Variants in PTPRD observed in about 807,000 individuals in gnomAD.
PTPRD encodes protein tyrosine phosphatase receptor type D, also known as receptor-type tyrosine-protein phosphatase delta.
In PTPRD, 34 loss-of-function variants were observed where a neutral mutation model predicts 214.5. The observed-to-expected ratio is 0.16, with a 90% CI of 0.12 to 0.21. The LOEUF (loss-of-function observed/expected upper bound fraction) is 0.21, where lower values mean the gene tolerates loss of function less well. Ranked by LOEUF, PTPRD falls within the 10% of genes least tolerant of loss-of-function variation. The pLI, the probability that PTPRD is intolerant of heterozygous loss-of-function variation, is 1.00. For synonymous variants in PTPRD, 1,128 were observed against 845.7 expected (o/e 1.33, Z -5.79); for missense variants, 2,545 against 2,398.7 (o/e 1.06, Z -1.27).
At chr9:9,519,316 A>G (rs1193528308) in intron 8 of PTPRD, among the ~76,000 whole-genome samples, 2 of 151,398 alleles carry the variant, frequency 1.3e-5, no homozygotes, top group African/African-American at 2.4e-5. Flanking sequence ...GTAATAAACT[A>G]TACAAAGTAG....
At chr9:9,279,849 T>C (rs879823100) in intron 9 of PTPRD, among the ~76,000 whole-genome samples, 16 of 151,244 alleles carry the variant, frequency 1.1e-4, no homozygotes. Flanking sequence ...TGGTCATACT[T>C]ATACATTCAG....
intron 2 of PTPRD, among the ~76,000 whole-genome samples, chr9:10,518,694 G>A (rs984774300): frequency 2.4e-4 from 36 of 151,898 alleles, no homozygotes; most frequent in African/African-American, 7.7e-4. Context: ...CACCACACCC[G>A]GCTAATTTTT....
intron 5 of PTPRD, among the ~76,000 whole-genome samples, chr9:9,776,623 T>C (rs1379279849): frequency 2.0e-5 from 3 of 152,166 alleles, no homozygotes; most frequent in Admixed American, 2.0e-4. Flanking sequence ...TCTACTCCCT[T>C]CTAGCTAACA....
intron 11 of PTPRD, among the ~76,000 whole-genome samples, chr9:8,779,428 G>A (rs866191911): frequency 1.3e-5 from 2 of 151,898 alleles, no homozygotes; most frequent in African/African-American, 4.8e-5. Context: ...GGTGGGGCGG[G>A]GCTTCAATAA....
chr9:8,893,603 CCTG>C (rs2154243173), intron 11 of PTPRD, among the ~76,000 whole-genome samples: 1 of 152,276 alleles, frequency 6.6e-6, no homozygotes. Flanking sequence ...TTTTGCTACA[CCTG>C]CTTTGAGAGC....
chr9:9,005,572 C>A (rs772555042), intron 11 of PTPRD, among the ~76,000 whole-genome samples: 39 of 151,982 alleles, frequency 2.6e-4, no homozygotes, highest in Admixed American at 8.5e-4. Flanking sequence ...CTCTTCTGAT[C>A]CTTTTGGTTA....
At chr9:9,517,818 A>G (rs1343067674) in intron 8 of PTPRD, among the ~76,000 whole-genome samples, 1 of 152,034 alleles carries the variant, frequency 6.6e-6, no homozygotes, top group Non-Finnish European at 1.5e-5. Context: ...AATTCAAACC[A>G]CCTGGGGTGA....
chr9:8,521,336 G>C lies in PTPRD; in HGVS notation c.902C>G (p.Thr301Ser), dbSNP rs2138863622. 2 of 1,613,946 alleles carry C rather than the reference G, an allele frequency of 1.2e-6. No homozygotes were observed. The highest frequency in any genetic ancestry group is 8.5e-7 in the Non-Finnish European group (1 of 1,179,906). ...LNDVRQSANYTCVAMSTLGVI... is the reference protein window; with the variant it reads ...LNDVRQSANYSCVAMSTLGVI... Reference sequence around the variant, plus strand: ...ACCCAGTGTTGACATAGCAACACAGGTGTAATTTGCTGACTGTCTTACATC... The same window carrying C: ...ACCCAGTGTTGACATAGCAACACAGCTGTAATTTGCTGACTGTCTTACATC... The change falls in exon 20 of 46, where the codon ACC (threonine) becomes AGC (serine). Residue 301 changes from threonine (T) to serine (S), a missense_variant. Physicochemically the swap from Thr to Ser is moderately conservative, Grantham distance 58. Coordinates refer to ENST00000381196, the MANE Select transcript of PTPRD (RefSeq NM_002839.4).
intron 21 of PTPRD, among the ~76,000 whole-genome samples, chr9:8,508,804 G>C (rs1264737469): frequency 6.6e-6 from 1 of 152,014 alleles, no homozygotes; most frequent in African/African-American, 2.4e-5. Context: ...TGTTAAAGCA[G>C]TCTGCAAGAA....
intron 11 of PTPRD, among the ~76,000 whole-genome samples, chr9:8,955,535 T>C (rs910174462): frequency 4.6e-5 from 7 of 151,854 alleles, no homozygotes; most frequent in African/African-American, 1.7e-4. Context: ...GAGTTCCCTC[T>C]ATGGTGTGCT....
chr9:8,662,261 C>T (rs933266407), intron 12 of PTPRD, among the ~76,000 whole-genome samples: 1 of 152,024 alleles, frequency 6.6e-6, no homozygotes, highest in African/African-American at 2.4e-5. Flanking sequence ...AAAATCGGTC[C>T]CTACATTTGT....
intron 3 of PTPRD, among the ~76,000 whole-genome samples, chr9:10,258,218 A>G (rs1018068912): frequency 1.3e-5 from 2 of 152,352 alleles, no homozygotes; most frequent in South Asian, 2.1e-4. Flanking sequence ...GAATTCAAAC[A>G]TTAATTGAGG....
intron 5 of PTPRD, among the ~76,000 whole-genome samples, chr9:9,904,484 A>T (rs1266808541): frequency 6.6e-6 from 1 of 152,032 alleles, no homozygotes; most frequent in African/African-American, 2.4e-5. Context: ...CCTCAATTAG[A>T]CTGTAATTAT....
intron 9 of PTPRD, among the ~76,000 whole-genome samples, chr9:9,363,070 C>A (rs887694725): frequency 6.9e-5 from 10 of 145,036 alleles, no homozygotes; most frequent in African/African-American, 2.5e-4. Context: ...ACTGTGCTAA[C>A]AAAGGAAGAA....
chr9:8,614,843 A>G (rs1260518477), intron 14 of PTPRD, among the ~76,000 whole-genome samples: 1 of 152,170 alleles, frequency 6.6e-6, no homozygotes, highest in Non-Finnish European at 1.5e-5. Flanking sequence ...ACTAGTCCTC[A>G]TATTTCACAA....
At chr9:9,859,773 G>A (rs562356730) in intron 5 of PTPRD, among the ~76,000 whole-genome samples, 2 of 152,172 alleles carry the variant, frequency 1.3e-5, no homozygotes, top group African/African-American at 4.8e-5. Context: ...TCTGGAATAC[G>A]GTATCCTTAC....
chr9:9,114,632 T>C (rs2099810488), intron 10 of PTPRD, among the ~76,000 whole-genome samples: 1 of 152,106 alleles, frequency 6.6e-6, no homozygotes, highest in South Asian at 2.1e-4. Flanking sequence ...TAAAAGATGC[T>C]TGGACTGCCT....
At chr9:10,162,988 G>A (rs1167991964) in intron 3 of PTPRD, among the ~76,000 whole-genome samples, 4 of 150,684 alleles carry the variant, frequency 2.7e-5, no homozygotes, top group Admixed American at 2.0e-4. Context: ...ATCTATATCT[G>A]TATCTATCTA....
intron 3 of PTPRD, among the ~76,000 whole-genome samples, chr9:10,295,382 C>A (rs1049921789): frequency 6.6e-6 from 1 of 152,000 alleles, no homozygotes; most frequent in East Asian, 1.9e-4. Flanking sequence ...TTGCTTTTAG[C>A]ACATGGAGAA....
Sources: gnomAD v4.1 joint callset for allele counts (sites outside exome capture counted in the v4.1 genomes callset) on GRCh38, gnomAD v4.1.1 for gene constraint, MANE v1.5 for transcripts, NCBI Gene and HGNC (gene_info 2026-07-23, HGNC 2026-07-21) for gene names.